Variants in PLCB1 observed in about 807,000 individuals in gnomAD.
PLCB1 encodes phospholipase C beta 1.
PLCB1 carries 46 observed loss-of-function variants against 161.8 expected under a neutral mutation model. The observed-to-expected ratio is 0.28, with a 90% CI of 0.22 to 0.36. The LOEUF (loss-of-function observed/expected upper bound fraction) is 0.36, where lower values mean the gene tolerates loss of function less well. Among genes scored for constraint, PLCB1 ranks in the 10% least tolerant of loss-of-function variants. The pLI is 1.00. For missense variants in PLCB1, 1,016 were observed against 1,472.5 expected, an observed-to-expected ratio of 0.69 and a Z score of 5.07; for synonymous variants, 517 against 503.7, an observed-to-expected ratio of 1.03 and a Z score of -0.35.
Position 8,722,417 on chromosome 20 carries a change from A to T in PLCB1, c.1577A>T (p.Asp526Val). 1 of 1,609,534 alleles carries T rather than the reference A, an allele frequency of 6.2e-7. No individual in the cohort carries two copies. Among genetic ancestry groups the T allele is most frequent in the Non-Finnish European group, 8.5e-7 (1 of 1,177,860 alleles). The change falls in exon 15 of 32, where the codon GAT (aspartate) becomes GTT (valine). Residue 526 changes from aspartate to valine, a missense_variant. Asp to Val is a radical substitution (Grantham distance 152). This residue lies in a region of PLCB1 where 109 missense variants were observed against 129.7 expected (regional missense o/e 0.84). Coordinates refer to ENST00000338037, the MANE Select transcript of PLCB1 (RefSeq NM_015192.4). Reference protein sequence around the residue: ...DDDDCKKSSMDEGTAGSEAMA... With the variant: ...DDDDCKKSSMVEGTAGSEAMA... ...GATGACTGTAAAAAATCTTCAATGGATGAGGTGGGTACTTAGGGCTTCTGG... is the reference window on the plus strand; with the variant it reads ...GATGACTGTAAAAAATCTTCAATGGTTGAGGTGGGTACTTAGGGCTTCTGG...
intron 27 of PLCB1, among the ~76,000 whole-genome samples, chr20:8,775,170 C>G (rs6108190): frequency 6.7e-6 from 1 of 148,380 alleles, no homozygotes; most frequent in African/African-American, 2.5e-5. Flanking sequence ...AAGTCAGTAC[C>G]TAAATGGCCA....
chr20:8,149,314 A>G (rs2051485301), intron 1 of PLCB1, among the ~76,000 whole-genome samples: 1 of 152,138 alleles, frequency 6.6e-6, no homozygotes, highest in South Asian at 2.1e-4. Flanking sequence ...TGGGACAGGC[A>G]GGAATTTGAA....
intron 3 of PLCB1, among the ~76,000 whole-genome samples, chr20:8,510,137 G>A (rs1208885492): frequency 6.6e-6 from 1 of 152,136 alleles, no homozygotes; most frequent in African/African-American, 2.4e-5. Context: ...TTCTGGAAAT[G>A]TAAAAGTAAT....
chr20:8,529,923 C>T (rs1984735609), intron 3 of PLCB1, among the ~76,000 whole-genome samples: 1 of 152,014 alleles, frequency 6.6e-6, no homozygotes, highest in African/African-American at 2.4e-5. Context: ...TATTTTCAGC[C>T]TAGCTATGTA....
At chr20:8,421,960 A>T (rs1979554663) in intron 3 of PLCB1, among the ~76,000 whole-genome samples, 1 of 152,216 alleles carries the variant, frequency 6.6e-6, no homozygotes, top group South Asian at 2.1e-4. Context: ...CTGCTGAGGA[A>T]ATGTCTTATG....
intron 3 of PLCB1, among the ~76,000 whole-genome samples, chr20:8,464,872 TCAGC>T (rs1981747639): frequency 6.6e-6 from 1 of 152,132 alleles, no homozygotes; most frequent in African/African-American, 2.4e-5. Context: ...CCCTCAGCCC[TCAGC>T]TGGGGTTGGA....
intron 1 of PLCB1, among the ~76,000 whole-genome samples, chr20:8,141,136 G>A (rs6039044): frequency 0.51 from 76,977 of 152,022 alleles, 21,211 homozygotes; most frequent in African/African-American, 0.72. Flanking sequence ...ATACAAGTTT[G>A]AAGAGATTGA....
intron 24 of PLCB1, among the ~76,000 whole-genome samples, chr20:8,759,335 GTTA>G (rs2123568860): frequency 6.6e-6 from 1 of 152,242 alleles, no homozygotes; most frequent in South Asian, 2.1e-4. Context: ...TCCACTGAAA[GTTA>G]TTATTTTCCC....
At chr20:8,705,645 A>G (rs917626850) in intron 11 of PLCB1, among the ~76,000 whole-genome samples, 2 of 152,214 alleles carry the variant, frequency 1.3e-5, no homozygotes, top group Admixed American at 6.5e-5. Flanking sequence ...CTCCCAAATC[A>G]ATGCAGTAAA....
At chr20:8,476,950 T>C (rs574389584) in intron 3 of PLCB1, among the ~76,000 whole-genome samples, 2 of 152,308 alleles carry the variant, frequency 1.3e-5, no homozygotes, top group African/African-American at 4.8e-5. Flanking sequence ...CCATGATGGA[T>C]TATTCAAACA....
intron 2 of PLCB1, among the ~76,000 whole-genome samples, chr20:8,187,824 C>T (rs1019228429): frequency 6.6e-6 from 1 of 152,068 alleles, no homozygotes; most frequent in African/African-American, 2.4e-5. Flanking sequence ...TCTATGAGTG[C>T]ATAGGACCAC....
At position 8,883,556 on chromosome 20, in the gene PLCB1, A is replaced by G. The variant is rs708910; in HGVS notation, c.*1707A>G. The G allele has an allele frequency of 0.63, 95,501 of 151,910 alleles. 30,522 individuals are homozygous for G. The highest frequency in any genetic ancestry group is 0.72 in the Middle Eastern group (212 of 294). The allele number at this position is 151,910 out of a possible 1,614,324, so 9.4% of individuals were successfully genotyped here. Reference sequence around the variant, plus strand: ...GAAATATCTTAAAACGCAAAAACCAATTGTGTCCTGAAAATTGTTTCAAGA... The same window carrying G: ...GAAATATCTTAAAACGCAAAAACCAGTTGTGTCCTGAAAATTGTTTCAAGA... On this transcript the variant is annotated 3_prime_UTR_variant, in exon 32 of 32. Transcript: ENST00000338037.
intron 3 of PLCB1, among the ~76,000 whole-genome samples, chr20:8,483,902 G>C (rs1194828052): frequency 2.6e-5 from 4 of 152,136 alleles, no homozygotes; most frequent in Non-Finnish European, 5.9e-5. Flanking sequence ...AAATAAATTA[G>C]AAAATTAAGA....
At chr20:8,775,300 T>C (rs1239970618) in intron 27 of PLCB1, among the ~76,000 whole-genome samples, 1 of 152,210 alleles carries the variant, frequency 6.6e-6, no homozygotes, top group East Asian at 1.9e-4. Flanking sequence ...ATTCTCTCCA[T>C]TTTTGTTGAT....
intron 23 of PLCB1, among the ~76,000 whole-genome samples, chr20:8,744,383 A>G (rs1406215236): frequency 6.6e-6 from 1 of 152,036 alleles, no homozygotes; most frequent in Non-Finnish European, 1.5e-5. Context: ...ACACTACCAT[A>G]TTTCAGCCTA....
intron 3 of PLCB1, among the ~76,000 whole-genome samples, chr20:8,575,816 T>C (rs1600163996): frequency 6.6e-6 from 1 of 152,364 alleles, no homozygotes; most frequent in East Asian, 1.9e-4. Flanking sequence ...CCATCAGAGA[T>C]TGTGGTCTAT....
intron 2 of PLCB1, among the ~76,000 whole-genome samples, chr20:8,218,073 A>C (rs1053092835): frequency 6.6e-6 from 1 of 152,162 alleles, no homozygotes; most frequent in Non-Finnish European, 1.5e-5. Context: ...TAACTATTGA[A>C]CTGAATTTTT....
chr20:8,245,066 A>G (rs1980812220), intron 2 of PLCB1, among the ~76,000 whole-genome samples: 1 of 151,342 alleles, frequency 6.6e-6, no homozygotes, highest in African/African-American at 2.4e-5. Flanking sequence ...ATGTGTTTTA[A>G]TTTTAAGCAG....
chr20:8,338,382 G>A (rs184174380), intron 2 of PLCB1, among the ~76,000 whole-genome samples: 6 of 152,090 alleles, frequency 3.9e-5, no homozygotes, highest in African/African-American at 7.2e-5. Flanking sequence ...TCTTTTCATC[G>A]ATACCCTTTT....
Sources: gnomAD v4.1 joint callset for allele counts (sites outside exome capture counted in the v4.1 genomes callset) on GRCh38, gnomAD v4.1.1 for gene constraint, gnomAD v4.1.1 regional missense constraint, MANE v1.5 for transcripts, NCBI Gene and HGNC (gene_info 2026-07-23, HGNC 2026-07-21) for gene names.